Variants in NBEAL1 observed in about 807,000 individuals in gnomAD.
NBEAL1 encodes neurobeachin-like protein 1.
Under a neutral mutation model 351.3 loss-of-function variants are expected in NBEAL1, and 273 were observed. The observed-to-expected ratio is 0.78, with a 90% CI of 0.70 to 0.86. NBEAL1 has a LOEUF of 0.86. Among genes scored for constraint, NBEAL1 ranks in the 40% least tolerant of loss-of-function variants. The probability of loss-of-function intolerance (pLI) is 0.00; values close to 1 mark genes in which losing one functional copy is unlikely to be tolerated. For synonymous variants in NBEAL1, 1,050 were observed against 1,086.4 expected, an observed-to-expected ratio of 0.97 and a Z score of 0.66; for missense variants, 2,961 against 3,201.3, an observed-to-expected ratio of 0.92 and a Z score of 1.81.
At chr2:203,053,872 T>C (rs189928840) in intron 4 of NBEAL1, among the ~76,000 whole-genome samples, 184 of 152,266 alleles carry the variant, frequency 1.2e-3, no homozygotes, top group Non-Finnish European at 2.1e-3. Context: ...TTTTATTCTT[T>C]TAATAGTATT....
At chr2:203,050,509 G>A (rs530505739) in intron 4 of NBEAL1, among the ~76,000 whole-genome samples, 5 of 152,184 alleles carry the variant, frequency 3.3e-5, no homozygotes, top group Non-Finnish European at 7.4e-5. Context: ...TACTGTACCA[G>A]TATTTTTCAT....
intron 53 of NBEAL1, among the ~76,000 whole-genome samples, chr2:203,210,209 A>AAAAATTAGCC (rs914537915): frequency 4.0e-5 from 6 of 151,774 alleles, no homozygotes; most frequent in Non-Finnish European, 7.4e-5. Context: ...CTAAAAATAC[A>AAAAATTAGCC]AAAATTAGCC....
intron 2 of NBEAL1, among the ~76,000 whole-genome samples, chr2:203,027,669 A>C (rs1322613027): frequency 1.3e-5 from 2 of 152,188 alleles, no homozygotes; most frequent in Non-Finnish European, 2.9e-5. Flanking sequence ...TAACCTTTCT[A>C]GTGAATGAAC....
rs548392188 is a variant in NBEAL1, at chr2:203,099,777, G to T, written c.1269+65G>T. 15 of 1,074,258 alleles carry T rather than the reference G, an allele frequency of 1.4e-5. No homozygotes were observed. In the African/African-American group the frequency reaches 2.1e-4, roughly 15 times the overall value. The allele number at this position is 1,074,258 out of a possible 1,614,324, so 66.5% of individuals were successfully genotyped here. A position where few individuals can be genotyped will look rare whatever the true frequency, so the allele number is the denominator to read the frequency against. On this transcript the variant is annotated intron_variant, in intron 12 of 55. Transcript: ENST00000683969. ...TTTTATTTTAGGTTCAGGGGTACAT[G>T]TGCAGGTTTGTTATATAGGTAAATT... is the stretch of plus-strand genomic sequence containing the variant.
At chr2:203,081,907 C>A (rs927251423) in intron 8 of NBEAL1, among the ~76,000 whole-genome samples, 1 of 152,134 alleles carries the variant, frequency 6.6e-6, no homozygotes, top group East Asian at 1.9e-4. Context: ...TCAAAACGAG[C>A]CTGGGCAACA....
At chr2:203,144,126 G>A (rs935497328) in intron 31 of NBEAL1, among the ~76,000 whole-genome samples, 13 of 148,622 alleles carry the variant, frequency 8.7e-5, no homozygotes, top group South Asian at 2.1e-4. Flanking sequence ...CAGGAGAATC[G>A]CTTGAACCCA....
chr2:203,157,942 A>G (rs2063839866), intron 36 of NBEAL1, 117 bp downstream of exon 36: 1 of 747,444 alleles, frequency 1.3e-6, no homozygotes. Context: ...TTAATGCTGT[A>G]TCAGCTGTTA....
At chr2:203,095,435 C>G (rs1440861929) in intron 10 of NBEAL1, among the ~76,000 whole-genome samples, 1 of 151,896 alleles carries the variant, frequency 6.6e-6, no homozygotes, top group Non-Finnish European at 1.5e-5. Flanking sequence ...GCTGAGATTA[C>G]AGGCATGCAC....
chr2:203,121,653 C>CAAA (rs762624821), intron 18 of NBEAL1, among the ~76,000 whole-genome samples: 1 of 72,106 alleles, frequency 1.4e-5, no homozygotes, highest in Non-Finnish European at 3.0e-5. Flanking sequence ...ACTCTGTCTC[C>CAAA]AAAAAAAAAA....
At chr2:203,100,003 T>C (rs1382263481) in intron 12 of NBEAL1, among the ~76,000 whole-genome samples, 1 of 152,182 alleles carries the variant, frequency 6.6e-6, no homozygotes, top group African/African-American at 2.4e-5. Flanking sequence ...GGTATTTGGT[T>C]TTCTATTCCT....
chr2:203,135,169 CAAA>C (rs780103072), intron 27 of NBEAL1, among the ~76,000 whole-genome samples: 1 of 87,874 alleles, frequency 1.1e-5, no homozygotes, highest in Admixed American at 1.2e-4. Flanking sequence ...GACCCTGTCT[CAAA>C]AAAAAAAAAA....
Position 203,167,322 on chromosome 2 carries a change from G to T in NBEAL1, c.5959G>T (p.Val1987Phe), listed in dbSNP as rs1215726315. The change falls in exon 38 of 56, where the codon GTT becomes TTT. Residue 1987 changes from valine to phenylalanine, a missense_variant. Val to Phe is a conservative substitution (Grantham distance 50, BLOSUM62 -1). Transcript: ENST00000683969. ...LRRSALEIFH[V>F]DQSNYFLNFK... ...AAGATCAGCCCTTGAGATTTTTCAT[G>T]TTGACCAATCCAACTACTTTCTCAA... The T allele has an allele frequency of 6.2e-7, 1 of 1,612,342 alleles. No individual in the cohort carries two copies. The highest frequency in any genetic ancestry group is 8.5e-7 in the Non-Finnish European group (1 of 1,179,374).
intron 2 of NBEAL1, among the ~76,000 whole-genome samples, chr2:203,035,701 G>A (rs1265284876): frequency 6.7e-6 from 1 of 149,062 alleles, no homozygotes; most frequent in East Asian, 1.9e-4. Flanking sequence ...GAGAGGTGAA[G>A]TAACCTGTTG....
chr2:203,031,541 A>G (rs2060949427), intron 2 of NBEAL1, among the ~76,000 whole-genome samples: 1 of 152,246 alleles, frequency 6.6e-6, no homozygotes, highest in African/African-American at 2.4e-5. Flanking sequence ...AGGTTTGCAC[A>G]TGAACAGGCA....
At position 203,221,418 on chromosome 2, in the gene NBEAL1, G is replaced by A. The variant is rs2065952538; in HGVS notation, c.*4064G>A. Among the ~76,000 whole-genome samples, 1 of 151,744 alleles carries A rather than the reference G, an allele frequency of 6.6e-6. No homozygotes were observed. The highest frequency in any genetic ancestry group is 2.4e-5 in the African/African-American group (1 of 41,380). ...TAATATGGGTGTCTGTTGGGGTTAT[G>A]TGTGTGTAAAGATTGGTCTTTTCAA... On this transcript the variant is annotated 3_prime_UTR_variant, in exon 56 of 56. Transcript: ENST00000683969.
intron 25 of NBEAL1, 32 bp from the exon 26 acceptor site, chr2:203,131,941 T>G (rs569138210): frequency 7.0e-7 from 1 of 1,426,206 alleles, no homozygotes; most frequent in African/African-American, 1.4e-5. Flanking sequence ...CTTAATTTTC[T>G]ATATTGAGAA....
At chr2:203,186,385 G>A (rs1003344026) in intron 44 of NBEAL1, among the ~76,000 whole-genome samples, 1 of 152,176 alleles carries the variant, frequency 6.6e-6, no homozygotes, top group Admixed American at 6.5e-5. Context: ...TGGTATGAAA[G>A]GATAAGAGAA....
intron 45 of NBEAL1, among the ~76,000 whole-genome samples, chr2:203,188,957 A>G (rs2064992031): frequency 6.6e-6 from 1 of 152,246 alleles, no homozygotes; most frequent in African/African-American, 2.4e-5. Flanking sequence ...TTAGCTCAGA[A>G]TCAAGAATAT....
At chr2:203,190,678 T>A (rs2065044626) in intron 46 of NBEAL1, 1 of 229,606 alleles carries the variant, frequency 4.4e-6, no homozygotes, top group African/African-American at 4.3e-5. Flanking sequence ...AACCCAGTCT[T>A]AAGAATCAAA....
Sources: gnomAD v4.1 joint callset for allele counts (sites outside exome capture counted in the v4.1 genomes callset) on GRCh38, gnomAD v4.1.1 for gene constraint, MANE v1.5 for transcripts, NCBI Gene and HGNC (gene_info 2026-07-23, HGNC 2026-07-21) for gene names.